Variants in STS observed in about 807,000 individuals in gnomAD.
STS encodes the protein steroid sulfatase.
A neutral mutation model predicts 26.8 loss-of-function variants in STS; 7 were observed. That is an observed-to-expected ratio of 0.26 (90% CI 0.15 to 0.49). STS has a LOEUF of 0.49. Ranked by LOEUF, STS falls within the 20% of genes least tolerant of loss-of-function variation. The pLI, the probability that STS is intolerant of heterozygous loss-of-function variation, is 0.98. For synonymous variants in STS, 199 were observed against 189.4 expected, an observed-to-expected ratio of 1.05 and a Z score of -0.42; for missense variants, 434 against 465.6, an observed-to-expected ratio of 0.93 and a Z score of 0.63.
intron 2 of STS, chrX:7,252,340 GAGTA>G (rs1355859665): frequency 2.8e-6 from 2 of 726,973 alleles, no homozygotes; most frequent in African/African-American, 2.3e-5. Context: ...CATCGATATT[GAGTA>G]AGTAAGACCT....
chrX:7,167,208 AATTT>A (rs1235694586), intron 1 of STS, among the ~76,000 whole-genome samples: 5 of 109,972 alleles, frequency 4.5e-5, no homozygotes, highest in African/African-American at 1.7e-4. Flanking sequence ...GTTGATAAAA[AATTT>A]ATTTATTTAT....
At chrX:7,305,793 C>T (rs1201957315) in intron 8 of STS, among the ~76,000 whole-genome samples, 1 of 111,667 alleles carries the variant, frequency 9.0e-6, no homozygotes, top group African/African-American at 3.3e-5. Flanking sequence ...ACTCTGACAC[C>T]CCTGCCTCCC....
At chrX:7,165,994 G>C (rs769853491) in intron 1 of STS, among the ~76,000 whole-genome samples, 2 of 107,019 alleles carry the variant, frequency 1.9e-5, no homozygotes, top group Non-Finnish European at 3.8e-5. Context: ...CTTTCTCTCT[G>C]TCGCTGTCTT....
At chrX:7,190,739 G>C (rs1670990675) in intron 1 of STS, among the ~76,000 whole-genome samples, 141 bp from the exon 2 acceptor site, 1 of 108,947 alleles carries the variant, frequency 9.2e-6, no homozygotes, top group Non-Finnish European at 1.9e-5. Flanking sequence ...TCATGCTGCT[G>C]TCTGGGCAAT....
chrX:7,247,944 C>T (rs930749991), intron 2 of STS, among the ~76,000 whole-genome samples: 3 of 111,980 alleles, frequency 2.7e-5, no homozygotes, highest in Non-Finnish European at 5.6e-5. Flanking sequence ...TACTCCTTTA[C>T]TAAGGCTCAA....
intron 10 of STS, among the ~76,000 whole-genome samples, chrX:7,341,220 C>A (rs1928266736): frequency 1.8e-5 from 2 of 111,817 alleles, no homozygotes; most frequent in Non-Finnish European, 3.8e-5. Context: ...GAAATGTCTT[C>A]CCCTAAGACA....
At chrX:7,224,030 C>T (rs925057014) in intron 2 of STS, among the ~76,000 whole-genome samples, 124 of 110,992 alleles carry the variant, frequency 1.1e-3, no homozygotes, top group African/African-American at 3.8e-3. Context: ...CACTAAACAC[C>T]TCCCATCTGC....
chrX:7,204,767 C>G (rs144021883), intron 2 of STS, among the ~76,000 whole-genome samples: 4,253 of 103,518 alleles, frequency 0.041, 225 homozygotes, highest in African/African-American at 0.14. Context: ...CTCTCTCCCT[C>G]CTTTCTCCCT....
intron 2 of STS, among the ~76,000 whole-genome samples, chrX:7,205,831 G>C (rs1276606684): frequency 9.2e-6 from 1 of 108,590 alleles, no homozygotes; most frequent in Non-Finnish European, 1.9e-5. Flanking sequence ...GCCCAGTCTG[G>C]TCTGGAGCTC....
chrX:7,189,205 C>T (rs1272738182), intron 1 of STS, among the ~76,000 whole-genome samples: 1 of 110,940 alleles, frequency 9.0e-6, no homozygotes, highest in Admixed American at 9.6e-5. Context: ...AAAGCATAAA[C>T]AATAGATTTA....
intron 2 of STS, chrX:7,252,269 G>T (rs1923173826): frequency 1.3e-6 from 1 of 751,133 alleles, no homozygotes. Flanking sequence ...CTGGCTCAAG[G>T]CTGTGAACCA....
intron 2 of STS, among the ~76,000 whole-genome samples, chrX:7,231,604 G>A (rs979362095): frequency 9.0e-6 from 1 of 111,171 alleles, no homozygotes; most frequent in Non-Finnish European, 1.9e-5. Flanking sequence ...ATAACTCACA[G>A]TCTGCCTACA....
At chrX:7,159,085 T>C (rs775829202) in intron 1 of STS, among the ~76,000 whole-genome samples, 3 of 112,156 alleles carry the variant, frequency 2.7e-5, no homozygotes, top group Non-Finnish European at 5.6e-5. Context: ...AGCAATTTTT[T>C]ATTTATAGAA....
intron 2 of STS, among the ~76,000 whole-genome samples, chrX:7,229,183 G>A (rs1254858490): frequency 8.9e-6 from 1 of 112,324 alleles, no homozygotes; most frequent in African/African-American, 3.2e-5. Flanking sequence ...TGGAGACCGA[G>A]TCAGTCATAT....
chrX:7,338,537 C>T (rs1928136153), intron 10 of STS, among the ~76,000 whole-genome samples: 1 of 111,597 alleles, frequency 9.0e-6, no homozygotes, highest in Admixed American at 9.6e-5. Flanking sequence ...CTCCATGAAG[C>T]TATAAAAATT....
chrX:7,201,239 T>A (rs1313043148), intron 2 of STS, among the ~76,000 whole-genome samples: 2 of 111,412 alleles, frequency 1.8e-5, no homozygotes, highest in Non-Finnish European at 3.8e-5. Flanking sequence ...GATATATAGG[T>A]TGATGTCAGA....
chrX:7,250,417 AAAG>A (rs1443937157), intron 2 of STS, among the ~76,000 whole-genome samples: 177 of 102,873 alleles, frequency 1.7e-3, no homozygotes, highest in African/African-American at 5.6e-3. Flanking sequence ...AAAAAAAAAG[AAAG>A]AAAGAAAGAA....
intron 1 of STS, among the ~76,000 whole-genome samples, chrX:7,153,920 C>G (rs1933081161): frequency 9.2e-6 from 1 of 108,717 alleles, no homozygotes; most frequent in South Asian, 4.1e-4. Context: ...CCTTCCCTTC[C>G]TTTCTTTCTT....
intron 10 of STS, among the ~76,000 whole-genome samples, chrX:7,337,400 C>T (rs773539312): frequency 9.9e-5 from 11 of 111,632 alleles, no homozygotes; most frequent in Admixed American, 3.8e-4. Context: ...GTAAGGAAAA[C>T]GTGACTCTCA....
Sources: allele counts gnomAD v4.1 joint callset (sites outside exome capture counted in the v4.1 genomes callset), GRCh38; gene constraint gnomAD v4.1.1; transcripts MANE v1.5; gene names NCBI Gene and HGNC (gene_info 2026-07-23, HGNC 2026-07-21).